DZIP3: variants seen among roughly 807,000 people sequenced by gnomAD.
DZIP3 encodes DAZ interacting zinc finger protein 3.
In DZIP3, 118 loss-of-function variants were observed where a neutral mutation model predicts 162.0. The observed-to-expected ratio is 0.73, with a 90% CI of 0.63 to 0.85. The LOEUF is 0.85. Ranked by LOEUF, DZIP3 falls within the 40% of genes least tolerant of loss-of-function variation. The probability of loss-of-function intolerance (pLI) is 0.00; values close to 1 mark genes in which losing one functional copy is unlikely to be tolerated. For missense variants in DZIP3, 1,331 were observed against 1,407.0 expected (o/e 0.95, Z 0.86); for synonymous variants, 438 against 458.6 (o/e 0.96, Z 0.57).
chr3:108,636,781 A>G (rs1942168843), intron 11 of DZIP3, 73 bp downstream of exon 11: 3 of 1,038,952 alleles, frequency 2.9e-6, no homozygotes, highest in South Asian at 1.5e-5. Flanking sequence ...GACTTGAAAC[A>G]GACCTGGGGA....
intron 5 of DZIP3, among the ~76,000 whole-genome samples, chr3:108,622,836 GTCTCTCTC>G (rs368466391): frequency 0.013 from 841 of 62,696 alleles, 24 homozygotes; most frequent in African/African-American, 0.033. Flanking sequence ...AACAAACAGA[GTCTCTCTC>G]TCTCTCTCTC....
intron 4 of DZIP3, among the ~76,000 whole-genome samples, chr3:108,611,815 A>AT (rs1251718713): frequency 6.6e-6 from 1 of 152,108 alleles, no homozygotes; most frequent in Non-Finnish European, 1.5e-5. Context: ...AAATACAAAA[A>AT]TTAGCTGGGC....
At chr3:108,594,439 C>G (rs913639280) in intron 1 of DZIP3, among the ~76,000 whole-genome samples, 49 of 131,142 alleles carry the variant, frequency 3.7e-4, no homozygotes, top group Non-Finnish European at 3.2e-4. Context: ...CCTGCTCCCC[C>G]CCCATATATA....
intron 23 of DZIP3, among the ~76,000 whole-genome samples, chr3:108,673,802 T>C (rs1206842747): frequency 6.6e-6 from 1 of 151,946 alleles, no homozygotes; most frequent in Non-Finnish European, 1.5e-5. Flanking sequence ...GGCACCATTT[T>C]TGAAAGTTTC....
chr3:108,628,589 G>A lies in DZIP3; in HGVS notation c.582-473G>A, dbSNP rs150152699. Among the ~76,000 whole-genome samples the A allele has an allele frequency of 3.5e-3, 527 of 152,312 alleles. 3 individuals carry two copies. Among genetic ancestry groups the A allele is most frequent in the Non-Finnish European group, 2.2e-3 (151 of 68,030 alleles). On this transcript the variant is annotated intron_variant, in intron 7 of 32. Transcript: ENST00000361582. Reference sequence around the variant, plus strand: ...GTCCTGAGTTGATGGTATTAGTCTTGTTGAGGCTGTGCATTCAATATCAGT... The same window carrying A: ...GTCCTGAGTTGATGGTATTAGTCTTATTGAGGCTGTGCATTCAATATCAGT...
intron 26 of DZIP3, among the ~76,000 whole-genome samples, chr3:108,681,187 G>A (rs1293813056): frequency 6.6e-6 from 1 of 152,078 alleles, no homozygotes; most frequent in Non-Finnish European, 1.5e-5. Context: ...TTATCCGTCT[G>A]ACAAAGGGCT....
Position 108,616,571 on chromosome 3 carries a change from G to A in DZIP3, c.289G>A (p.Glu97Lys). 6.2e-7 allele frequency: 1 copy of A among 1,610,212 alleles called. No individual in the cohort carries two copies. Among genetic ancestry groups the A allele is most frequent in the Non-Finnish European group, 8.5e-7 (1 of 1,178,400 alleles). Reference sequence around the variant, plus strand: ...AGTTGCAGCTAACAGCCAGAATGGTGAGGAAATTGTTCCTGCTTTGACTTT... The same window carrying A: ...AGTTGCAGCTAACAGCCAGAATGGTAAGGAAATTGTTCCTGCTTTGACTTT... ...REVAANSQNG[E>K]EIVPALTLRF... The change falls in exon 5 of 33, where the codon GAG (glutamate) becomes AAG (lysine). Residue 97 changes from glutamate (E) to lysine (K), a missense_variant. This residue lies in a region of DZIP3 where 1,278 missense variants were observed against 1,317.1 expected (regional missense o/e 0.97). Coordinates refer to ENST00000361582, the MANE Select transcript of DZIP3 (RefSeq NM_014648.4).
chr3:108,604,037 CA>C (rs1434117463), intron 1 of DZIP3, among the ~76,000 whole-genome samples: 1 of 152,124 alleles, frequency 6.6e-6, no homozygotes, highest in Non-Finnish European at 1.5e-5. Flanking sequence ...TGAGTAAACA[CA>C]ATCTGAATTC....
At chr3:108,591,267 A>G (rs771404004) in intron 1 of DZIP3, among the ~76,000 whole-genome samples, 27 of 152,374 alleles carry the variant, frequency 1.8e-4, no homozygotes, top group Non-Finnish European at 2.4e-4. Context: ...ATGAGGTCCT[A>G]TACGGTCTTG....
intron 1 of DZIP3, among the ~76,000 whole-genome samples, chr3:108,600,623 T>C (rs1324263962): frequency 1.3e-5 from 2 of 152,212 alleles, no homozygotes; most frequent in Non-Finnish European, 2.9e-5. Flanking sequence ...AGTAGGGAAT[T>C]AGAAGAAAAG....
Position 108,684,356 on chromosome 3 carries a change from G to A in DZIP3, c.3009+15G>A. ...GAGCCCCCCTGGTAAAAGCTTTCTT[G>A]GTGGAATAGATGTTAATTAGTTTTT... On this transcript the variant is annotated intron_variant, in intron 27 of 32. Coordinates refer to ENST00000361582, the MANE Select transcript of DZIP3 (RefSeq NM_014648.4). 4 of 1,602,422 alleles carry A rather than the reference G, an allele frequency of 2.5e-6. No individual in the cohort carries two copies. Among genetic ancestry groups the A allele is most frequent in the Non-Finnish European group, 3.4e-6 (4 of 1,176,544 alleles).
In DZIP3 at chr3:108,635,643, ATATAT is replaced by A. The variant is rs1018180601; in HGVS notation, c.918+676_918+680del. Among the ~76,000 whole-genome samples, 39 of 147,250 alleles carry A rather than the reference ATATAT, an allele frequency of 2.6e-4. 1 individual carries two copies. The highest frequency in any genetic ancestry group is 7.5e-5 in the Non-Finnish European group (5 of 66,850). On this transcript the variant is annotated intron_variant, in intron 10 of 32. Coordinates refer to ENST00000361582, the MANE Select transcript of DZIP3 (RefSeq NM_014648.4). ...ACTTATATAATTATATAAGTTATAT[ATATAT>A]TATAATATTATAAATATTATATAAT...
At chr3:108,621,828 T>C (rs532508276) in intron 5 of DZIP3, among the ~76,000 whole-genome samples, 6 of 152,158 alleles carry the variant, frequency 3.9e-5, no homozygotes, top group Non-Finnish European at 8.8e-5. Context: ...GCAGCACTAT[T>C]CACAATAGCC....
intron 26 of DZIP3, among the ~76,000 whole-genome samples, chr3:108,677,940 C>G (rs938748909): frequency 2.0e-5 from 3 of 152,136 alleles, no homozygotes; most frequent in South Asian, 2.1e-4. Flanking sequence ...CAGAGGTCCC[C>G]AACCTCTGGG....
intron 1 of DZIP3, among the ~76,000 whole-genome samples, chr3:108,590,862 G>A (rs9816505): frequency 0.71 from 107,314 of 152,070 alleles, 38,464 homozygotes; most frequent in East Asian, 0.98. Context: ...TCAATAAGTA[G>A]TTCATTGAGA....
intron 18 of DZIP3, among the ~76,000 whole-genome samples, chr3:108,653,936 T>C (rs961261933): frequency 1.3e-5 from 2 of 152,118 alleles, no homozygotes; most frequent in African/African-American, 2.4e-5. Context: ...GGTACCTTGA[T>C]TGAGTGCTAC....
chr3:108,620,004 C>T (rs1301527534), intron 5 of DZIP3, among the ~76,000 whole-genome samples: 1 of 151,866 alleles, frequency 6.6e-6, no homozygotes, highest in Non-Finnish European at 1.5e-5. Context: ...GGACTGGACT[C>T]AGCATATGGT....
intron 12 of DZIP3, among the ~76,000 whole-genome samples, chr3:108,638,569 G>A (rs1012046842): frequency 3.9e-5 from 6 of 151,914 alleles, no homozygotes; most frequent in African/African-American, 1.2e-4. Flanking sequence ...TGCCTGCCTC[G>A]GCCTCCCAAA....
At position 108,688,834 on chromosome 3, in the gene DZIP3, GGAAGAA is replaced by G; in HGVS notation, c.3432_3437del (p.Glu1145_Glu1146del). 2 of 1,614,170 alleles carry G rather than the reference GGAAGAA, an allele frequency of 1.2e-6. No individual in the cohort carries two copies. Among genetic ancestry groups the G allele is most frequent in the Non-Finnish European group, 8.5e-7 (1 of 1,180,020 alleles). On this transcript the variant is annotated inframe_deletion, in exon 31 of 33. Coordinates refer to ENST00000361582, the MANE Select transcript of DZIP3 (RefSeq NM_014648.4). ...TGTATTTTCCCTAGGATGAGGAAGAGGAAGAAGAAGAGCCTTGTGTGATCTGTCATG... is the reference window on the plus strand; with the variant it reads ...TGTATTTTCCCTAGGATGAGGAAGAGGAAGAGCCTTGTGTGATCTGTCATG...
Sources: allele counts gnomAD v4.1 joint callset (sites outside exome capture counted in the v4.1 genomes callset), GRCh38; gene constraint gnomAD v4.1.1; regional missense constraint gnomAD v4.1.1; transcripts MANE v1.5; gene names NCBI Gene and HGNC (gene_info 2026-07-23, HGNC 2026-07-21).